SNW1: variants seen among roughly 807,000 people sequenced by gnomAD.
SNW1 encodes the protein SNW domain-containing protein 1.
SNW1 carries 9 observed loss-of-function variants against 75.6 expected under a neutral mutation model. That is an observed-to-expected ratio of 0.12 (90% CI 0.07 to 0.21). SNW1 has a LOEUF of 0.21. SNW1 is among the 10% of genes least tolerant of loss of function. SNW1 has a pLI of 1.00. For missense variants in SNW1, 409 were observed against 670.9 expected (o/e 0.61, Z 4.31); for synonymous variants, 200 against 219.1 (o/e 0.91, Z 0.77).
At chr14:77,718,682 T>C (rs2080511115) in intron 12 of SNW1, 152 bp from the exon 13 acceptor site, 1 of 540,630 alleles carries the variant, frequency 1.8e-6, no homozygotes, top group Non-Finnish European at 3.3e-6. Flanking sequence ...AAAAAACTGG[T>C]AGCACATGAA....
chr14:77,740,833 A>C (rs768682356), intron 3 of SNW1, among the ~76,000 whole-genome samples: 15 of 152,182 alleles, frequency 9.9e-5, no homozygotes, highest in Non-Finnish European at 1.8e-4. Context: ...ACGGTGGCTC[A>C]CGCCTGTAAT....
chr14:77,735,124 C>A, intron 7 of SNW1, 112 bp from the exon 8 acceptor site: 1 of 660,242 alleles, frequency 1.5e-6, no homozygotes, highest in Admixed American at 2.9e-5. Flanking sequence ...TATGCACAGC[C>A]GTAGTAAAAG....
At chr14:77,741,583 GT>G (rs2080719514) in intron 3 of SNW1, among the ~76,000 whole-genome samples, 2 of 152,180 alleles carry the variant, frequency 1.3e-5, no homozygotes, top group South Asian at 4.1e-4. Context: ...TACTCTAAGA[GT>G]GTTGATTTTG....
At chr14:77,752,724 A>T (rs2080817945) in intron 2 of SNW1, among the ~76,000 whole-genome samples, 1 of 152,232 alleles carries the variant, frequency 6.6e-6, no homozygotes, top group South Asian at 2.1e-4. Context: ...CACAAATTAA[A>T]ATTAATCATT....
intron 10 of SNW1, among the ~76,000 whole-genome samples, chr14:77,729,857 T>C (rs2080615420): frequency 6.6e-6 from 1 of 152,178 alleles, no homozygotes; most frequent in Non-Finnish European, 1.5e-5. Flanking sequence ...ATTACTCTGC[T>C]CAAAACCCTG....
chr14:77,723,113 C>T (rs1031387467), intron 11 of SNW1, 68 bp downstream of exon 11: 33 of 1,253,016 alleles, frequency 2.6e-5, no homozygotes, highest in Non-Finnish European at 3.6e-5. Context: ...TCCCAAAGTG[C>T]TGGGATTACA....
intron 8 of SNW1, among the ~76,000 whole-genome samples, chr14:77,733,742 CAAAAAAAA>C (rs35483765): frequency 6.2e-5 from 4 of 64,850 alleles, no homozygotes; most frequent in Non-Finnish European, 8.1e-5. Context: ...GAGACCGTCT[CAAAAAAAA>C]AAAAAAAAAA....
intron 1 of SNW1, among the ~76,000 whole-genome samples, chr14:77,759,551 G>A (rs895225537): frequency 2.6e-5 from 4 of 152,036 alleles, no homozygotes; most frequent in African/African-American, 9.7e-5. Flanking sequence ...GACATCTCTA[G>A]AAATTTTTCC....
At chr14:77,726,077 GT>G (rs1206239048) in intron 10 of SNW1, among the ~76,000 whole-genome samples, 1 of 151,908 alleles carries the variant, frequency 6.6e-6, no homozygotes, top group Non-Finnish European at 1.5e-5. Context: ...GATGCCTCCA[GT>G]TTTTTTTCTT....
At chr14:77,731,525 T>C (rs181165724) in intron 9 of SNW1, among the ~76,000 whole-genome samples, 3 of 152,178 alleles carry the variant, frequency 2.0e-5, no homozygotes, top group African/African-American at 4.8e-5. Context: ...CTAGGCAACA[T>C]AGTGAGATCC....
intron 6 of SNW1, among the ~76,000 whole-genome samples, 175 bp downstream of exon 6, chr14:77,736,796 G>A (rs2080676162): frequency 6.6e-6 from 1 of 151,956 alleles, no homozygotes; most frequent in Non-Finnish European, 1.5e-5. Context: ...CTTCCCCAGA[G>A]GCAACCACCT....
intron 7 of SNW1, among the ~76,000 whole-genome samples, chr14:77,735,696 A>C (rs1425062876): frequency 1.3e-5 from 2 of 152,218 alleles, no homozygotes; most frequent in African/African-American, 4.8e-5. Context: ...TAACATCCTT[A>C]AACTGAAACA....
At chr14:77,745,882 G>C (rs113740379) in intron 3 of SNW1, among the ~76,000 whole-genome samples, 2 of 152,024 alleles carry the variant, frequency 1.3e-5, no homozygotes, top group South Asian at 2.1e-4. Context: ...AAATTAGCCG[G>C]GCATGGTGGT....
chr14:77,748,904 T>C (rs935509987), intron 3 of SNW1, among the ~76,000 whole-genome samples: 2 of 152,022 alleles, frequency 1.3e-5, no homozygotes, highest in African/African-American at 4.8e-5. Context: ...ATAATTTTTT[T>C]TAAAAAAATC....
chr14:77,749,187 T>C (rs2080788225), intron 3 of SNW1, among the ~76,000 whole-genome samples: 1 of 152,126 alleles, frequency 6.6e-6, no homozygotes, highest in South Asian at 2.1e-4. Flanking sequence ...TAAATTACAT[T>C]AGTTAAAGAG....
At chr14:77,735,243 T>C (rs994530497) in intron 7 of SNW1, among the ~76,000 whole-genome samples, 5 of 152,238 alleles carry the variant, frequency 3.3e-5, no homozygotes, top group Admixed American at 6.6e-5. Flanking sequence ...TTGACAGTTA[T>C]AAATGTTGGC....
chr14:77,724,341 G>C (rs1352746708), intron 10 of SNW1, among the ~76,000 whole-genome samples: 1 of 152,048 alleles, frequency 6.6e-6, no homozygotes, highest in Non-Finnish European at 1.5e-5. Context: ...AAATCTTCTA[G>C]CTATTTTGCA....
chr14:77,741,153 A>G (rs1260248931), intron 3 of SNW1, among the ~76,000 whole-genome samples: 1 of 150,800 alleles, frequency 6.6e-6, no homozygotes, highest in Non-Finnish European at 1.5e-5. Context: ...GACTGGAGAT[A>G]TTTGATCAAT....
At chr14:77,730,145 C>T (rs1056951081) in intron 10 of SNW1, among the ~76,000 whole-genome samples, 1 of 152,222 alleles carries the variant, frequency 6.6e-6, no homozygotes, top group African/African-American at 2.4e-5. Flanking sequence ...TTACTTTCTT[C>T]AAGTATTTCT....
Sources: gnomAD v4.1 joint callset for allele counts (sites outside exome capture counted in the v4.1 genomes callset) on GRCh38, gnomAD v4.1.1 for gene constraint, MANE v1.5 for transcripts, NCBI Gene and HGNC (gene_info 2026-07-23, HGNC 2026-07-21) for gene names.